The following SYNE3 variants were observed in gnomAD, a reference collection of about 807,000 sequenced individuals.
The protein encoded by SYNE3 is spectrin repeat containing nuclear envelope family member 3.
Under a neutral mutation model 111.2 loss-of-function variants are expected in SYNE3, and 100 were observed. The observed-to-expected ratio is 0.90, with a 90% CI of 0.77 to 1.06. SYNE3 has a LOEUF of 1.06. Ranked by LOEUF, SYNE3 falls within the 50% of genes least tolerant of loss-of-function variation. The pLI is 0.00. For missense variants in SYNE3, 1,160 were observed against 1,240.3 expected (o/e 0.94, Z 0.97); for synonymous variants, 547 against 533.9 (o/e 1.02, Z -0.34).
intron 15 of SYNE3, among the ~76,000 whole-genome samples, chr14:95,434,504 G>A (rs1394089985): frequency 6.6e-6 from 1 of 152,088 alleles, no homozygotes; most frequent in African/African-American, 2.4e-5. Flanking sequence ...AGTAAACCTG[G>A]ACCTTGTGTA....
At chr14:95,475,569 C>T (rs1225797051) in intron 2 of SYNE3, 109 bp downstream of exon 2, 2 of 1,227,226 alleles carry the variant, frequency 1.6e-6, no homozygotes, top group Admixed American at 3.7e-5. Flanking sequence ...GTTTGAGAAA[C>T]ATTGGTTTAG....
chr14:95,433,555 CT>C (rs1885915015), intron 15 of SYNE3, 146 bp from the exon 16 acceptor site: 1 of 1,182,846 alleles, frequency 8.5e-7, no homozygotes, highest in Non-Finnish European at 1.2e-6. Flanking sequence ...GGACTCCCAT[CT>C]GTGCAATTCA....
At chr14:95,511,572 G>T (rs1276676702) in intron 1 of SYNE3, among the ~76,000 whole-genome samples, 3 of 151,834 alleles carry the variant, frequency 2.0e-5, no homozygotes, top group Admixed American at 6.6e-5. Context: ...AAAATTAGCT[G>T]GGCATGGTGG....
In SYNE3 at chr14:95,409,403, G is replaced by A. The variant is rs1286543489; in HGVS notation, c.*8423C>T. On this transcript the variant is annotated 3_prime_UTR_variant, in exon 18 of 18. Transcript: ENST00000682763. Reference sequence around the variant, plus strand: ...GACTTTGTCCCTCATCTCCACAGAGGTGCTGGGGATGGGCTGGCCTGGTGT... The same window carrying A: ...GACTTTGTCCCTCATCTCCACAGAGATGCTGGGGATGGGCTGGCCTGGTGT... 2.2e-6 allele frequency: 1 copy of A among 456,660 alleles called. No homozygotes were observed. The allele number at this position is 456,660 out of a possible 1,614,324, so 28.3% of individuals were successfully genotyped here. A position where few individuals can be genotyped will look rare whatever the true frequency, so the allele number is the denominator to read the frequency against.
chr14:95,482,130 A>G (rs1322302347), intron 1 of SYNE3, among the ~76,000 whole-genome samples: 1 of 152,304 alleles, frequency 6.6e-6, no homozygotes, highest in East Asian at 1.9e-4. Flanking sequence ...ACACCCTAAC[A>G]GCAGTTTTTA....
intron 17 of SYNE3, among the ~76,000 whole-genome samples, chr14:95,428,889 GA>G (rs1222557582): frequency 2.0e-5 from 3 of 152,058 alleles, no homozygotes; most frequent in Non-Finnish European, 4.4e-5. Flanking sequence ...ATGGAGGGAG[GA>G]AAAAAAGTGT....
At chr14:95,489,206 C>T (rs1429520437) in intron 1 of SYNE3, among the ~76,000 whole-genome samples, 2 of 152,214 alleles carry the variant, frequency 1.3e-5, no homozygotes. Flanking sequence ...AAGCAGAAGA[C>T]AAATGGAGTC....
At chr14:95,446,734 A>G (rs1209827934) in intron 8 of SYNE3, among the ~76,000 whole-genome samples, 1 of 152,188 alleles carries the variant, frequency 6.6e-6, no homozygotes, top group Non-Finnish European at 1.5e-5. Context: ...AAGGGGGCTC[A>G]GAGGCCTCCT....
chr14:95,438,725 G>A (rs768895962), intron 14 of SYNE3: 15 of 268,360 alleles, frequency 5.6e-5, no homozygotes, highest in Middle Eastern at 1.2e-3. Flanking sequence ...TTTCAGCCCC[G>A]ACACTCTCTT....
intron 11 of SYNE3, among the ~76,000 whole-genome samples, chr14:95,441,600 G>C (rs573809995): frequency 6.6e-6 from 1 of 152,244 alleles, no homozygotes; most frequent in East Asian, 1.9e-4. Context: ...GCTGCTTCTC[G>C]TAACGACTAA....
rs927577894 is a variant in SYNE3 at position 95,416,470 on chromosome 14, A to G, written c.*1356T>C. 1 of 152,254 alleles carries G rather than the reference A, an allele frequency of 6.6e-6. No individual in the cohort carries two copies. The highest frequency in any genetic ancestry group is 1.5e-5 in the Non-Finnish European group (1 of 68,050). The allele number at this position is 152,254 out of a possible 1,614,324, so 9.4% of individuals were successfully genotyped here. A position where few individuals can be genotyped will look rare whatever the true frequency, so the allele number is the denominator to read the frequency against. Reference sequence around the variant, plus strand: ...GGAAAATTTAGTGTTGATTTAGGAAAAACATGATCCAGTTGTAGAGCACTT... The same window carrying G: ...GGAAAATTTAGTGTTGATTTAGGAAGAACATGATCCAGTTGTAGAGCACTT... On this transcript the variant is annotated 3_prime_UTR_variant, in exon 18 of 18. Transcript: ENST00000682763.
intron 15 of SYNE3, among the ~76,000 whole-genome samples, chr14:95,435,594 A>T (rs1012213762): frequency 4.7e-4 from 72 of 152,120 alleles, no homozygotes; most frequent in African/African-American, 1.7e-3. Context: ...AATACAAGTA[A>T]CAAGTTTGGG....
At chr14:95,438,912 G>A in intron 14 of SYNE3, 121 bp downstream of exon 14, 1 of 1,384,184 alleles carries the variant, frequency 7.2e-7, no homozygotes, top group Non-Finnish European at 1.0e-6. Context: ...ACAGGACGTG[G>A]CCAAGTCCTC....
Position 95,436,900 on chromosome 14 carries a change from C to T in SYNE3, c.2458G>A (p.Glu820Lys), listed in dbSNP as rs1183894350. 3.7e-6 allele frequency: 6 copies of T among 1,614,076 alleles called. No individual in the cohort carries two copies. The Admixed American group carries it at 5.0e-5, about 13-fold the overall frequency. ...ATGATTCTAACCAGCTTGGAGTTTT[C>T]CACCTGCAACCACTGCCCAAAGTTC... Reference protein sequence around the residue: ...LRNFGQWLQVENSKLVRIIAM... With the variant: ...LRNFGQWLQVKNSKLVRIIAM... Residue 820 changes from glutamate to lysine, a missense_variant, in exon 15 of 18, where the codon GAA becomes AAA. By Grantham distance (56) the Glu-to-Lys change is moderately conservative (BLOSUM62 1). Transcript: ENST00000682763.
intron 17 of SYNE3, among the ~76,000 whole-genome samples, chr14:95,431,661 A>G (rs1885770418): frequency 1.3e-5 from 2 of 152,196 alleles, no homozygotes; most frequent in African/African-American, 4.8e-5. Flanking sequence ...ACCGAGCCCC[A>G]TAGACTCTCC....
At chr14:95,435,720 A>C (rs1341322800) in intron 15 of SYNE3, among the ~76,000 whole-genome samples, 1 of 152,260 alleles carries the variant, frequency 6.6e-6, no homozygotes, top group African/African-American at 2.4e-5. Flanking sequence ...AAACCTAAAC[A>C]TATCATGGTA....
intron 1 of SYNE3, among the ~76,000 whole-genome samples, chr14:95,502,392 T>C (rs1358210452): frequency 6.6e-6 from 1 of 151,940 alleles, no homozygotes; most frequent in Non-Finnish European, 1.5e-5. Flanking sequence ...CTCTGGGTTA[T>C]GGACGGGACA....
At chr14:95,424,699 A>G (rs367874630) in intron 17 of SYNE3, among the ~76,000 whole-genome samples, 22 of 152,300 alleles carry the variant, frequency 1.4e-4, no homozygotes, top group African/African-American at 4.3e-4. Flanking sequence ...ATCCAATCAC[A>G]AGGAAACAGC....
chr14:95,481,752 C>T (rs1032030305), intron 1 of SYNE3, among the ~76,000 whole-genome samples: 4 of 152,230 alleles, frequency 2.6e-5, no homozygotes, highest in Admixed American at 1.3e-4. Flanking sequence ...TGTGGTCCAT[C>T]GGGTAACTGT....
Sources: gnomAD v4.1 joint callset for allele counts (sites outside exome capture counted in the v4.1 genomes callset) on GRCh38, gnomAD v4.1.1 for gene constraint, MANE v1.5 for transcripts, NCBI Gene and HGNC (gene_info 2026-07-23, HGNC 2026-07-21) for gene names.